SNW1: variants seen among roughly 807,000 people sequenced by gnomAD.
SNW1 encodes SNW domain-containing protein 1.
A neutral mutation model predicts 75.6 loss-of-function variants in SNW1; 9 were observed. That is an observed-to-expected ratio of 0.12 (90% CI 0.07 to 0.21). The LOEUF (loss-of-function observed/expected upper bound fraction) is 0.21. Ranked by LOEUF, SNW1 falls within the 10% of genes least tolerant of loss-of-function variation. The pLI, the probability that SNW1 is intolerant of heterozygous loss-of-function variation, is 1.00. For synonymous variants in SNW1, 200 were observed against 219.1 expected, an observed-to-expected ratio of 0.91 and a Z score of 0.77; for missense variants, 409 against 670.9, an observed-to-expected ratio of 0.61 and a Z score of 4.31.
At chr14:77,721,158 A>G (rs1182088723) in intron 11 of SNW1, 3 of 189,216 alleles carry the variant, frequency 1.6e-5, no homozygotes, top group Non-Finnish European at 3.2e-5. Context: ...TCATTATATG[A>G]TGGTTTGGGG....
chr14:77,722,903 G>C, intron 11 of SNW1: 1 of 421,802 alleles, frequency 2.4e-6, no homozygotes, highest in Non-Finnish European at 4.4e-6. Context: ...GGAATGCAGT[G>C]GCGTGATCTC....
At chr14:77,735,455 T>G in intron 7 of SNW1, among the ~76,000 whole-genome samples, 1 of 152,142 alleles carries the variant, frequency 6.6e-6, no homozygotes, top group Non-Finnish European at 1.5e-5. Flanking sequence ...CCAGCTAATT[T>G]TTTTTAAAGT....
chr14:77,718,602 A>G, intron 12 of SNW1, 72 bp from the exon 13 acceptor site: 1 of 1,010,258 alleles, frequency 9.9e-7, no homozygotes, highest in Non-Finnish European at 1.5e-6. Flanking sequence ...TAACATGTTT[A>G]CAGTAAACCC....
At chr14:77,721,614 T>C (rs757009115) in intron 11 of SNW1, among the ~76,000 whole-genome samples, 1 of 152,214 alleles carries the variant, frequency 6.6e-6, no homozygotes, top group African/African-American at 2.4e-5. Flanking sequence ...TTGCTCCTCC[T>C]TCTACATGTA....
intron 10 of SNW1, among the ~76,000 whole-genome samples, chr14:77,726,841 T>C (rs191430439): frequency 3.5e-4 from 53 of 151,734 alleles, no homozygotes; most frequent in African/African-American, 1.2e-3. Context: ...TATTCCTAGG[T>C]AGTTTTTGGT....
intron 3 of SNW1, among the ~76,000 whole-genome samples, chr14:77,747,602 G>C (rs1236920734): frequency 6.6e-6 from 1 of 150,604 alleles, no homozygotes; most frequent in Non-Finnish European, 1.5e-5. Flanking sequence ...GTCTCTGCCC[G>C]GCCACCCCGT....
chr14:77,728,188 G>A (rs1204268967), intron 10 of SNW1, among the ~76,000 whole-genome samples: 1 of 152,084 alleles, frequency 6.6e-6, no homozygotes, highest in Non-Finnish European at 1.5e-5. Context: ...GGTGGCTCAT[G>A]CCTGTAATCC....
At chr14:77,757,114 A>T (rs545569544) in intron 1 of SNW1, among the ~76,000 whole-genome samples, 1 of 152,350 alleles carries the variant, frequency 6.6e-6, no homozygotes, top group Admixed American at 6.5e-5. Flanking sequence ...AGCATACCTA[A>T]GTAGCAGAGC....
chr14:77,757,092 T>G (rs1466864721), intron 1 of SNW1, among the ~76,000 whole-genome samples: 1 of 152,202 alleles, frequency 6.6e-6, no homozygotes, highest in African/African-American at 2.4e-5. Context: ...CCTTTGTGAT[T>G]CTTGGATAGT....
intron 2 of SNW1, among the ~76,000 whole-genome samples, chr14:77,754,344 G>A (rs1166385942): frequency 3.9e-5 from 6 of 152,064 alleles, no homozygotes; most frequent in Non-Finnish European, 7.4e-5. Flanking sequence ...GCGCCCGACC[G>A]GAAGCTTGTT....
chr14:77,732,835 T>C (rs563728630), intron 8 of SNW1, among the ~76,000 whole-genome samples: 1 of 152,264 alleles, frequency 6.6e-6, no homozygotes, highest in Admixed American at 6.5e-5. Flanking sequence ...GGCTAGTTTT[T>C]CTATTTTTAG....
intron 10 of SNW1, among the ~76,000 whole-genome samples, chr14:77,724,844 G>T (rs892152345): frequency 6.6e-6 from 1 of 152,184 alleles, no homozygotes; most frequent in African/African-American, 2.4e-5. Context: ...TTGATATACT[G>T]ATTTCCTTTT....
At chr14:77,723,097 T>A in intron 11 of SNW1, 84 bp downstream of exon 11, 3 of 1,020,050 alleles carry the variant, frequency 2.9e-6, no homozygotes, top group Non-Finnish European at 4.6e-6. Context: ...TCCGCCCGCA[T>A]TGGCCTCCCA....
chr14:77,744,008 C>G (rs2080738513), intron 3 of SNW1, among the ~76,000 whole-genome samples: 1 of 151,814 alleles, frequency 6.6e-6, no homozygotes, highest in African/African-American at 2.4e-5. Flanking sequence ...GGCTGCATTA[C>G]AGACAAAAGC....
chr14:77,752,277 G>T (rs1260005077), intron 2 of SNW1, among the ~76,000 whole-genome samples: 1 of 152,168 alleles, frequency 6.6e-6, no homozygotes, highest in African/African-American at 2.4e-5. Flanking sequence ...ATCCAGAAAT[G>T]AGTTTACTAC....
intron 11 of SNW1, chr14:77,722,952 C>T: frequency 2.2e-6 from 1 of 457,830 alleles, no homozygotes; most frequent in Non-Finnish European, 4.0e-6. Flanking sequence ...TCACGCCATT[C>T]TCCTGCCTCA....
At chr14:77,745,955 T>A (rs1025514385) in intron 3 of SNW1, among the ~76,000 whole-genome samples, 87 of 149,376 alleles carry the variant, frequency 5.8e-4, no homozygotes, top group African/African-American at 2.1e-3. Context: ...GCTCAGGAGT[T>A]CAAGGCTGCA....
intron 3 of SNW1, among the ~76,000 whole-genome samples, chr14:77,750,424 A>C (rs1027353278): frequency 3.3e-5 from 5 of 152,158 alleles, no homozygotes; most frequent in African/African-American, 1.2e-4. Flanking sequence ...GGGAGTACCA[A>C]GGGAGCTGAG....
intron 2 of SNW1, among the ~76,000 whole-genome samples, chr14:77,753,319 C>T (rs1420675101): frequency 6.6e-6 from 1 of 152,152 alleles, no homozygotes; most frequent in Non-Finnish European, 1.5e-5. Flanking sequence ...GCCTGTCACC[C>T]TCATTGTGCA....
Sources: allele counts gnomAD v4.1 joint callset (sites outside exome capture counted in the v4.1 genomes callset), GRCh38; gene constraint gnomAD v4.1.1; transcripts MANE v1.5; gene names NCBI Gene and HGNC (gene_info 2026-07-23, HGNC 2026-07-21).